The following COL5A1 variants were observed in gnomAD, a reference collection of about 807,000 sequenced individuals.
COL5A1 encodes the protein collagen alpha-1(V) chain.
In COL5A1, 16 loss-of-function variants were observed where a neutral mutation model predicts 263.7. That is an observed-to-expected ratio of 0.06 (90% CI 0.04 to 0.09). The LOEUF is 0.09. COL5A1 is among the 10% of genes least tolerant of loss of function. The pLI, the probability that COL5A1 is intolerant of heterozygous loss-of-function variation, is 1.00. For missense variants in COL5A1, 2,036 were observed against 2,540.5 expected, an observed-to-expected ratio of 0.80 and a Z score of 4.27; for synonymous variants, 1,012 against 1,004.5, an observed-to-expected ratio of 1.01 and a Z score of -0.14.
chr9:134,823,326 G>C, intron 60 of COL5A1, 90 bp from the exon 61 acceptor site: 1 of 1,421,422 alleles, frequency 7.0e-7, no homozygotes, highest in African/African-American at 1.4e-5. Context: ...CCCCCACATA[G>C]GTCTCCAGGG....
At chr9:134,811,711 C>T in intron 46 of COL5A1, 112 bp downstream of exon 46, 2 of 937,710 alleles carry the variant, frequency 2.1e-6, no homozygotes, top group Non-Finnish European at 3.4e-6. Context: ...AGCCAGGCTG[C>T]AGGGGGCCTC....
Position 134,794,661 on chromosome 9 carries a change from G to A in COL5A1, c.2701-421G>A, listed in dbSNP as rs1295644939. Among the ~76,000 whole-genome samples the A allele has an allele frequency of 2.0e-5, 3 of 152,198 alleles. No homozygotes were observed. Among genetic ancestry groups the A allele is most frequent in the African/African-American group, 7.2e-5 (3 of 41,454 alleles). ...CTTAACTGTAGCAAAAGTAAATTAT[G>A]TATGAAAGGGGTTGACTTTCTTCTC... On this transcript the variant is annotated intron_variant, in intron 32 of 65. Transcript: ENST00000371817. This position sits in a 1 kb window ranked among gnomAD's most constrained non-coding sequence, Gnocchi z 4.3.
chr9:134,654,923 G>A (rs1831893398), intron 1 of COL5A1, among the ~76,000 whole-genome samples: 1 of 116,442 alleles, frequency 8.6e-6, no homozygotes. Flanking sequence ...TTGTAGGGCT[G>A]GGGGTGTGTA....
At position 134,652,089 on chromosome 9, in the gene COL5A1, C is replaced by T. The variant is rs545581040; in HGVS notation, c.109+9793C>T. ...AGCCTTTGGCTACAGAGTGTTCCCG[C>T]GGTCGAGGTGGGGTGAAGGGCGTTC... is the stretch of plus-strand genomic sequence containing the variant. On this transcript the variant is annotated intron_variant, in intron 1 of 65. Coordinates refer to ENST00000371817, the MANE Select transcript of COL5A1 (RefSeq NM_000093.5). The surrounding 1 kb of genome is among the most constrained non-coding windows in gnomAD (Gnocchi z 4.4). Among the ~76,000 whole-genome samples the T allele has an allele frequency of 2.6e-5, 4 of 152,116 alleles. No homozygotes were observed. Among genetic ancestry groups the T allele is most frequent in the East Asian group, 1.9e-4 (1 of 5,162 alleles).
intron 63 of COL5A1, among the ~76,000 whole-genome samples, chr9:134,827,042 C>A (rs140600868): frequency 6.6e-6 from 1 of 152,174 alleles, no homozygotes; most frequent in Admixed American, 6.5e-5. Flanking sequence ...TCAGCTTGAA[C>A]GGCCTCTCCT....
At chr9:134,823,902 T>C (rs1285298189) in intron 61 of COL5A1, among the ~76,000 whole-genome samples, 1 of 151,930 alleles carries the variant, frequency 6.6e-6, no homozygotes, top group Non-Finnish European at 1.5e-5. Flanking sequence ...CATGCATATA[T>C]GTGGGGCACA....
chr9:134,816,062 T>A, intron 52 of COL5A1, 74 bp downstream of exon 52: 1 of 1,484,774 alleles, frequency 6.7e-7, no homozygotes, highest in Non-Finnish European at 9.4e-7. Flanking sequence ...CTTGCTTGAC[T>A]CATTTCTGGG....
At chr9:134,713,416 C>T (rs77321583) in intron 4 of COL5A1, among the ~76,000 whole-genome samples, 2,528 of 152,324 alleles carry the variant, frequency 0.017, 68 homozygotes, top group African/African-American at 0.057. Flanking sequence ...GTCTTCCTGA[C>T]GATGGTTGAT....
intron 9 of COL5A1, among the ~76,000 whole-genome samples, chr9:134,736,058 G>A (rs539653818): frequency 2.0e-5 from 3 of 152,194 alleles, no homozygotes; most frequent in South Asian, 2.1e-4. Context: ...GACAGCCTCC[G>A]GTGGCCTGTG....
intron 21 of COL5A1, 24 bp from the exon 22 acceptor site, chr9:134,766,430 T>G (rs1243394220): frequency 1.9e-6 from 3 of 1,613,642 alleles, no homozygotes; most frequent in Non-Finnish European, 2.5e-6. Context: ...AGTTACATGT[T>G]TTTCTTCTTA....
At chr9:134,825,739 A>G in intron 62 of COL5A1, 53 bp from the exon 63 acceptor site, 1 of 1,223,206 alleles carries the variant, frequency 8.2e-7, no homozygotes, top group South Asian at 1.2e-5. Context: ...GGAACCATCC[A>G]GGGAGCAATC....
chr9:134,806,368 C>A, intron 42 of COL5A1, 72 bp downstream of exon 42: 2 of 1,122,040 alleles, frequency 1.8e-6, no homozygotes, highest in Non-Finnish European at 2.6e-6. Flanking sequence ...TGGCCTTGTC[C>A]CTCCCCCTGT....
chr9:134,658,805 TG>T (rs1350462863), intron 1 of COL5A1, among the ~76,000 whole-genome samples: 1 of 152,300 alleles, frequency 6.6e-6, no homozygotes, highest in East Asian at 1.9e-4. Context: ...GGGCTCCAGG[TG>T]GGCTCTGGGG....
chr9:134,790,010 C>T (rs949234717), intron 32 of COL5A1, among the ~76,000 whole-genome samples: 4 of 152,154 alleles, frequency 2.6e-5, no homozygotes, highest in African/African-American at 9.7e-5. Flanking sequence ...GGGACATGCT[C>T]CCCGAAAGAT....
chr9:134,731,875 T>A (rs1834895160), intron 8 of COL5A1, among the ~76,000 whole-genome samples, 196 bp from the exon 9 acceptor site: 4 of 152,188 alleles, frequency 2.6e-5, no homozygotes, highest in Non-Finnish European at 5.9e-5. Flanking sequence ...TCTGGGCCTG[T>A]TTCTTCGTTA....
At chr9:134,673,934 C>CA (rs1187963961) in intron 1 of COL5A1, among the ~76,000 whole-genome samples, 1 of 152,154 alleles carries the variant, frequency 6.6e-6, no homozygotes, top group East Asian at 1.9e-4. Flanking sequence ...GAAAAGAAGA[C>CA]AGAGGCGTGC....
rs1207769211 is a variant in COL5A1 at position 134,681,922 on chromosome 9, GCT to G, written c.110-8978_110-8977del. Among the ~76,000 whole-genome samples the G allele has an allele frequency of 2.0e-5, 3 of 150,604 alleles. No individual in the cohort carries two copies. Among genetic ancestry groups the G allele is most frequent in the Non-Finnish European group, 4.4e-5 (3 of 67,542 alleles). ...CTCCCTCTCTCTTTCTGTCTGTGTA[GCT>G]CTCTCTCTCTCCCTCTCTCTCCCCA... On this transcript the variant is annotated intron_variant, in intron 1 of 65. Coordinates refer to ENST00000371817, the MANE Select transcript of COL5A1 (RefSeq NM_000093.5). This position sits in a 1 kb window ranked among gnomAD's most constrained non-coding sequence, Gnocchi z 4.3.
chr9:134,650,527 C>T (rs937146656), intron 1 of COL5A1, among the ~76,000 whole-genome samples: 3 of 152,252 alleles, frequency 2.0e-5, no homozygotes, highest in East Asian at 1.9e-4. Flanking sequence ...CTGGGTCTTC[C>T]GCTGCGGCGG....
At chr9:134,767,671 G>A (rs12352715) in intron 24 of COL5A1, among the ~76,000 whole-genome samples, 7,296 of 152,200 alleles carry the variant, frequency 0.048, 523 homozygotes, top group African/African-American at 0.16. Context: ...AAATTTAACC[G>A]GGCATCTTGT....
Sources: allele counts gnomAD v4.1 joint callset (sites outside exome capture counted in the v4.1 genomes callset), GRCh38; gene constraint gnomAD v4.1.1; non-coding constraint Gnocchi (gnomAD v3.1); transcripts MANE v1.5; gene names NCBI Gene and HGNC (gene_info 2026-07-23, HGNC 2026-07-21).